PMP2: variants seen among roughly 807,000 people sequenced by gnomAD.
PMP2 encodes peripheral myelin protein 2.
In PMP2, 11 loss-of-function variants were observed where a neutral mutation model predicts 15.9. The observed-to-expected ratio is 0.69, with a 90% CI of 0.44 to 1.14. PMP2 has a LOEUF of 1.14. Among genes scored for constraint, PMP2 ranks in the 50% most tolerant of loss-of-function variants. PMP2 has a pLI of 0.00. For synonymous variants in PMP2, 55 were observed against 54.1 expected (o/e 1.02, Z -0.07); for missense variants, 151 against 154.0 (o/e 0.98, Z 0.10).
rs1164545199 is a variant in PMP2, at chr8:81,441,551, T to TATCTATC, written c.*1840_*1846dup. The TATCTATC allele has an allele frequency of 6.7e-6, 1 of 150,138 alleles. No individual in the cohort carries two copies. The highest frequency in any genetic ancestry group is 2.5e-5 in the African/African-American group (1 of 39,612). The allele number at this position is 150,138 out of a possible 1,614,324, so 9.3% of individuals were successfully genotyped here. ...CTATCTATCTATCTATCTATCTATC[T>TATCTATC]ATCTATCTATCTATATATCTATCTA... is the stretch of plus-strand genomic sequence containing the variant. On this transcript the variant is annotated 3_prime_UTR_variant, in exon 4 of 4. Transcript: ENST00000256103.
At position 81,447,313 on chromosome 8, in the gene PMP2, C is replaced by G; in HGVS notation, c.73+1G>C. 1 of 1,610,822 alleles carries G rather than the reference C, an allele frequency of 6.2e-7. No individual in the cohort carries two copies. Among genetic ancestry groups the G allele is most frequent in the Non-Finnish European group, 8.5e-7 (1 of 1,177,008 alleles). On this transcript the variant is annotated splice_donor_variant, in intron 1 of 3. Coordinates refer to ENST00000256103, the MANE Select transcript of PMP2 (RefSeq NM_002677.5). LOFTEE classifies it high-confidence loss of function. ...GCAGAACAACAAAAAGCATTTCTTA[C>G]CCAGAGCTTTCATGTAATCGTCAAA...
chr8:81,444,134 ATGACTT>A (rs1231308619), intron 3 of PMP2, among the ~76,000 whole-genome samples: 4 of 152,232 alleles, frequency 2.6e-5, no homozygotes, highest in Admixed American at 2.6e-4. Context: ...TAGTCTACAA[ATGACTT>A]TGCAAATAGT....
rs1807314091 is a variant in PMP2, at chr8:81,440,779, A to G, written c.*2619T>C. Reference sequence around the variant, plus strand: ...TGTATGTTTGTGTGTACTGTTGCACATGCAAATGCACACAAATATATGTTT... The same window carrying G: ...TGTATGTTTGTGTGTACTGTTGCACGTGCAAATGCACACAAATATATGTTT... On this transcript the variant is annotated 3_prime_UTR_variant, in exon 4 of 4. Coordinates refer to ENST00000256103, the MANE Select transcript of PMP2 (RefSeq NM_002677.5). 1 of 152,228 alleles carries G rather than the reference A, an allele frequency of 6.6e-6. No homozygotes were observed. Among genetic ancestry groups the G allele is most frequent in the African/African-American group, 2.4e-5 (1 of 41,464 alleles). The allele number at this position is 152,228 out of a possible 1,614,324, so 9.4% of individuals were successfully genotyped here.
At position 81,444,631 on chromosome 8, in the gene PMP2, G is replaced by A. The variant is rs369828576; in HGVS notation, c.247-30C>T. The A allele has an allele frequency of 1.8e-4, 288 of 1,569,900 alleles. 1 individual carries two copies. The highest frequency in any genetic ancestry group is 3.4e-5 in the South Asian group (3 of 87,620). On this transcript the variant is annotated intron_variant, in intron 2 of 3. Transcript: ENST00000256103. Reference sequence around the variant, plus strand: ...AAAGACAAGGTCATGCAATTGACTTGCCTGAAATTTGTTGATCAAAGAAGC... The same window carrying A: ...AAAGACAAGGTCATGCAATTGACTTACCTGAAATTTGTTGATCAAAGAAGC...
rs1466169805 is a variant in PMP2 at position 81,441,548 on chromosome 8, A to G, written c.*1850T>C. 1 of 151,704 alleles carries G rather than the reference A, an allele frequency of 6.6e-6. No homozygotes were observed. The highest frequency in any genetic ancestry group is 2.4e-5 in the African/African-American group (1 of 41,226). The allele number at this position is 151,704 out of a possible 1,614,324, so 9.4% of individuals were successfully genotyped here. ...TATCTATCTATCTATCTATCTATCT[A>G]TCTATCTATCTATCTATATATCTAT... On this transcript the variant is annotated 3_prime_UTR_variant, in exon 4 of 4. Coordinates refer to ENST00000256103, the MANE Select transcript of PMP2 (RefSeq NM_002677.5).
In PMP2 at chr8:81,442,053, T is replaced by C. The variant is rs1202196281; in HGVS notation, c.*1345A>G. The C allele has an allele frequency of 6.6e-6, 1 of 152,146 alleles. No individual in the cohort carries two copies. The highest frequency in any genetic ancestry group is 1.5e-5 in the Non-Finnish European group (1 of 67,954). The allele number at this position is 152,146 out of a possible 1,614,324, so 9.4% of individuals were successfully genotyped here. On this transcript the variant is annotated 3_prime_UTR_variant, in exon 4 of 4. Coordinates refer to ENST00000256103, the MANE Select transcript of PMP2 (RefSeq NM_002677.5). ...ACACACGCACATAAATGCATGTGTA[T>C]TATCACACACATATATGCATGGAGG...
chr8:81,441,520 C>CTCTATCTATCTATCTA lies in PMP2; in HGVS notation c.*1862_*1877dup, dbSNP rs34425651. Reference sequence around the variant, plus strand: ...TTGCAAAAGAGAAACCTTCTCATTTCTCTATCTATCTATCTATCTATCTAT... The same window carrying CTCTATCTATCTATCTA: ...TTGCAAAAGAGAAACCTTCTCATTTCTCTATCTATCTATCTATCTATCTATCTATCTATCTATCTAT... On this transcript the variant is annotated 3_prime_UTR_variant, in exon 4 of 4. Transcript: ENST00000256103. 2 of 148,816 alleles carry CTCTATCTATCTATCTA rather than the reference C, an allele frequency of 1.3e-5. No individual in the cohort carries two copies. Among genetic ancestry groups the CTCTATCTATCTATCTA allele is most frequent in the African/African-American group, 4.9e-5 (2 of 40,422 alleles). The allele number at this position is 148,816 out of a possible 1,614,324, so 9.2% of individuals were successfully genotyped here.
chr8:81,447,210 C>A (rs1342380562), intron 1 of PMP2, 104 bp downstream of exon 1: 1 of 787,198 alleles, frequency 1.3e-6, no homozygotes, highest in Non-Finnish European at 2.3e-6. Flanking sequence ...TGTACTGCAG[C>A]CTTGCAAAAC....
At chr8:81,443,480 C>T (rs1207083578) in intron 3 of PMP2, 32 bp from the exon 4 acceptor site, 1 of 1,395,186 alleles carries the variant, frequency 7.2e-7, no homozygotes, top group Non-Finnish European at 9.9e-7. Flanking sequence ...TTGAGTATCT[C>T]AAGTTCAAAC....
At chr8:81,446,007 T>TA (rs1408744856) in intron 1 of PMP2, among the ~76,000 whole-genome samples, 1 of 152,060 alleles carries the variant, frequency 6.6e-6, no homozygotes, top group Non-Finnish European at 1.5e-5. Context: ...AAATGTAAAA[T>TA]AAAAAATATA....
rs141115930 is a variant in PMP2 at position 81,445,475 on chromosome 8, G to A, written c.74-486C>T. Among the ~76,000 whole-genome samples, 1,485 of 152,128 alleles carry A rather than the reference G, an allele frequency of 9.8e-3. 27 individuals carry two copies. Among genetic ancestry groups the A allele is most frequent in the African/African-American group, 0.033 (1,369 of 41,524 alleles). On this transcript the variant is annotated intron_variant, in intron 1 of 3. Transcript: ENST00000256103. ...CCTGACCTCGTGATCTGCCCTCCTC[G>A]GCCTTCCAAAGTGCTGGGATTACAG... is the stretch of plus-strand genomic sequence containing the variant.
At chr8:81,446,955 A>G (rs1807458979) in intron 1 of PMP2, among the ~76,000 whole-genome samples, 1 of 152,168 alleles carries the variant, frequency 6.6e-6, no homozygotes, top group African/African-American at 2.4e-5. Flanking sequence ...TTTTATGAAC[A>G]CTTCAGTTGC....
chr8:81,445,086 A>G, intron 1 of PMP2, 97 bp from the exon 2 acceptor site: 1 of 882,730 alleles, frequency 1.1e-6, no homozygotes, highest in African/African-American at 1.7e-5. Context: ...GCCCCAGGTG[A>G]GTTGATGGCA....
chr8:81,444,690 AT>A (rs1395946406), intron 2 of PMP2, 89 bp from the exon 3 acceptor site: 1 of 1,342,650 alleles, frequency 7.4e-7, no homozygotes, highest in African/African-American at 1.5e-5. Flanking sequence ...TTCATAATAG[AT>A]ATAGATGTCT....
At position 81,441,250 on chromosome 8, in the gene PMP2, T is replaced by C. The variant is rs892648438; in HGVS notation, c.*2148A>G. The C allele has an allele frequency of 6.6e-6, 1 of 152,010 alleles. No homozygotes were observed. Among genetic ancestry groups the C allele is most frequent in the African/African-American group, 2.4e-5 (1 of 41,388 alleles). 9.4% of individuals were successfully genotyped at this position (152,010 alleles called of 1,614,324 possible). A position where few individuals can be genotyped will look rare whatever the true frequency, so the allele number is the denominator to read the frequency against. ...TAATTTTGATAACCTAGTCAAGAGG[T>C]TGTCCATTTTTTTCCATTGCATGGT... On this transcript the variant is annotated 3_prime_UTR_variant, in exon 4 of 4. Coordinates refer to ENST00000256103, the MANE Select transcript of PMP2 (RefSeq NM_002677.5).
intron 1 of PMP2, among the ~76,000 whole-genome samples, 196 bp from the exon 2 acceptor site, chr8:81,445,185 T>G (rs571777740): frequency 2.0e-5 from 3 of 152,134 alleles, no homozygotes; most frequent in Non-Finnish European, 4.4e-5. Context: ...TAGGTTTTGT[T>G]GTTGCAAAAG....
chr8:81,445,903 T>A (rs992704069), intron 1 of PMP2, among the ~76,000 whole-genome samples: 2 of 152,216 alleles, frequency 1.3e-5, no homozygotes, highest in Non-Finnish European at 1.5e-5. Context: ...AAATATTTTT[T>A]AAAAAACTCT....
Position 81,447,308 on chromosome 8 carries a change from T to G in PMP2, c.73+6A>C, listed in dbSNP as rs1249246424. On this transcript the variant is annotated splice_donor_region_variant and intron_variant, in intron 1 of 3. Coordinates refer to ENST00000256103, the MANE Select transcript of PMP2 (RefSeq NM_002677.5). The stretch of plus-strand genomic sequence containing the variant: ...TTTCAGCAGAACAACAAAAAGCATT[T>G]CTTACCCAGAGCTTTCATGTAATCG... 1.8e-5 allele frequency: 29 copies of G among 1,609,870 alleles called. No individual in the cohort carries two copies. The highest frequency in any genetic ancestry group is 2.3e-5 in the Non-Finnish European group (27 of 1,176,238).
intron 1 of PMP2, among the ~76,000 whole-genome samples, chr8:81,446,621 T>A (rs1330510048): frequency 1.3e-5 from 2 of 152,200 alleles, no homozygotes; most frequent in Non-Finnish European, 2.9e-5. Context: ...TGGGACATAC[T>A]CTAGAAATAG....
Sources: gnomAD v4.1 joint callset for allele counts (sites outside exome capture counted in the v4.1 genomes callset) on GRCh38, gnomAD v4.1.1 for gene constraint, MANE v1.5 for transcripts, NCBI Gene and HGNC (gene_info 2026-07-23, HGNC 2026-07-21) for gene names.